DPYD: variants seen among roughly 807,000 people sequenced by gnomAD.
The protein encoded by DPYD is dihydropyrimidine dehydrogenase [NADP(+)].
A neutral mutation model predicts 116.2 loss-of-function variants in DPYD; 109 were observed. The observed-to-expected ratio is 0.94, with a 90% CI of 0.80 to 1.10. The LOEUF is 1.10. Ranked by LOEUF, DPYD falls within the 50% of genes least tolerant of loss-of-function variation. The probability of loss-of-function intolerance (pLI) is 0.00; values close to 1 mark genes in which losing one functional copy is unlikely to be tolerated. For missense variants in DPYD, 1,302 were observed against 1,254.5 expected (o/e 1.04, Z -0.57); for synonymous variants, 440 against 432.0 (o/e 1.02, Z -0.23).
chr1:97,804,876 T>C (rs1043509845), intron 3 of DPYD, among the ~76,000 whole-genome samples: 1 of 151,900 alleles, frequency 6.6e-6, no homozygotes, highest in African/African-American at 2.4e-5. Context: ...TAATAACTAA[T>C]TCTTACCAAA....
intron 20 of DPYD, among the ~76,000 whole-genome samples, chr1:97,180,666 G>C (rs911907219): frequency 3.9e-5 from 6 of 151,918 alleles, no homozygotes; most frequent in African/African-American, 1.5e-4. Context: ...TGGACAACTT[G>C]TGTTGAATAT....
chr1:97,157,428 A>C (rs1162028842), intron 20 of DPYD, among the ~76,000 whole-genome samples: 1 of 152,064 alleles, frequency 6.6e-6, no homozygotes, highest in Non-Finnish European at 1.5e-5. Flanking sequence ...TATTGGGAAG[A>C]CTTATCTACT....
chr1:97,236,925 C>G (rs546603986), intron 18 of DPYD, among the ~76,000 whole-genome samples: 5 of 152,116 alleles, frequency 3.3e-5, no homozygotes, highest in African/African-American at 1.2e-4. Flanking sequence ...AAAATAAAGT[C>G]TAAAACAGAG....
chr1:97,321,539 A>G (rs2101106317), intron 16 of DPYD, among the ~76,000 whole-genome samples: 3 of 119,342 alleles, frequency 2.5e-5, no homozygotes, highest in African/African-American at 8.8e-5. Context: ...ATGAGATACC[A>G]TCTCACACCA....
intron 8 of DPYD, among the ~76,000 whole-genome samples, chr1:97,599,213 C>A (rs1655087730): frequency 6.6e-6 from 1 of 152,134 alleles, no homozygotes. Flanking sequence ...TTGGGTATAT[C>A]CTGGTTATTT....
chr1:97,205,784 T>C (rs2101856375), intron 19 of DPYD, among the ~76,000 whole-genome samples: 1 of 152,220 alleles, frequency 6.6e-6, no homozygotes, highest in East Asian at 1.9e-4. Flanking sequence ...CACCAGCCTG[T>C]TGTAGAAACC....
intron 3 of DPYD, among the ~76,000 whole-genome samples, chr1:97,755,635 C>T (rs1391961591): frequency 6.6e-6 from 1 of 152,134 alleles, no homozygotes; most frequent in African/African-American, 2.4e-5. Context: ...ACACTCCATA[C>T]ATTTGATACC....
chr1:97,595,996 T>G (rs1194115578), intron 8 of DPYD, among the ~76,000 whole-genome samples: 2 of 152,000 alleles, frequency 1.3e-5, no homozygotes, highest in Non-Finnish European at 2.9e-5. Context: ...GTTCAATATC[T>G]AGAAAATAGT....
chr1:97,789,378 G>C (rs1571359854), intron 3 of DPYD, among the ~76,000 whole-genome samples: 1 of 152,098 alleles, frequency 6.6e-6, no homozygotes, highest in Non-Finnish European at 1.5e-5. Context: ...TATGGCTTCT[G>C]ACTATACTGG....
intron 16 of DPYD, among the ~76,000 whole-genome samples, chr1:97,361,154 C>G (rs1670704373): frequency 6.6e-6 from 1 of 152,088 alleles, no homozygotes; most frequent in Non-Finnish European, 1.5e-5. Context: ...ATACAAACCA[C>G]CATCAGAGAA....
chr1:97,545,774 A>G (rs1396889599), intron 12 of DPYD: 3 of 1,557,790 alleles, frequency 1.9e-6, no homozygotes, highest in Non-Finnish European at 2.6e-6. Flanking sequence ...TCCCTAGAAA[A>G]CTGCATGAAG....
intron 3 of DPYD, among the ~76,000 whole-genome samples, chr1:97,802,829 T>C (rs1355945410): frequency 1.3e-5 from 2 of 151,892 alleles, no homozygotes; most frequent in Non-Finnish European, 2.9e-5. Flanking sequence ...TCAGACTATT[T>C]TTCAAAAGTT....
chr1:97,677,293 T>C (rs769034728), intron 8 of DPYD, among the ~76,000 whole-genome samples: 1 of 152,198 alleles, frequency 6.6e-6, no homozygotes, highest in Non-Finnish European at 1.5e-5. Context: ...TACAGATACA[T>C]GTATTAATAA....
rs185080090 is a variant in DPYD at position 97,107,678 on chromosome 1, T to G, written c.2623-9046A>C. 1.1e-4 allele frequency among the ~76,000 whole-genome samples: 16 copies of G among 152,200 alleles called. No individual in the cohort carries two copies. The East Asian group carries it at 2.7e-3, about 26-fold the overall frequency. On this transcript the variant is annotated intron_variant, in intron 20 of 22. Coordinates refer to ENST00000370192, the MANE Select transcript of DPYD (RefSeq NM_000110.4). ...ATGAGTTGGGTATTCTAGTGTCCAT[T>G]TATACACAACAACACTGAGGGGCAT...
At chr1:97,569,628 T>C (rs551132198) in intron 11 of DPYD, among the ~76,000 whole-genome samples, 12 of 151,970 alleles carry the variant, frequency 7.9e-5, no homozygotes, top group African/African-American at 2.9e-4. Flanking sequence ...TGTGACGTGA[T>C]ATGGAGTCGT....
At chr1:97,846,397 G>A (rs1189420762) in intron 2 of DPYD, among the ~76,000 whole-genome samples, 1 of 152,222 alleles carries the variant, frequency 6.6e-6, no homozygotes, top group Non-Finnish European at 1.5e-5. Context: ...AACCTAAGGA[G>A]GGTGCTCTTG....
chr1:97,404,365 T>C (rs1389665677), intron 14 of DPYD, among the ~76,000 whole-genome samples: 1 of 151,598 alleles, frequency 6.6e-6, no homozygotes, highest in Non-Finnish European at 1.5e-5. Context: ...GCTGGATCTG[T>C]CCATTTCTGA....
At chr1:97,916,610 C>T (rs1674225472) in intron 1 of DPYD, among the ~76,000 whole-genome samples, 1 of 152,190 alleles carries the variant, frequency 6.6e-6, no homozygotes, top group Non-Finnish European at 1.5e-5. Context: ...ACACCATTTG[C>T]TATCATTAAG....
intron 5 of DPYD, among the ~76,000 whole-genome samples, chr1:97,704,736 C>T (rs893644204): frequency 1.3e-5 from 2 of 151,764 alleles, no homozygotes; most frequent in South Asian, 2.1e-4. Context: ...TTGGCTCTTT[C>T]GGTGAGAAAG....
Sources: allele counts gnomAD v4.1 joint callset (sites outside exome capture counted in the v4.1 genomes callset), GRCh38; gene constraint gnomAD v4.1.1; transcripts MANE v1.5; gene names NCBI Gene and HGNC (gene_info 2026-07-23, HGNC 2026-07-21).